SLC30A7: variants seen among roughly 807,000 people sequenced by gnomAD.
SLC30A7 encodes solute carrier family 30 member 7.
SLC30A7 carries 35 observed loss-of-function variants against 46.0 expected under a neutral mutation model. The ratio of observed to expected loss-of-function variants is 0.76; its 90% CI spans 0.58 to 1.01. The LOEUF is 1.01. Ranked by LOEUF, SLC30A7 falls within the 50% of genes least tolerant of loss-of-function variation. The pLI, the probability that SLC30A7 is intolerant of heterozygous loss-of-function variation, is 0.00. For synonymous variants in SLC30A7, 147 were observed against 157.8 expected, an observed-to-expected ratio of 0.93 and a Z score of 0.51; for missense variants, 464 against 451.1, an observed-to-expected ratio of 1.03 and a Z score of -0.26.
At chr1:100,947,195 G>A (rs1654687552) in intron 8 of SLC30A7, among the ~76,000 whole-genome samples, 1 of 152,172 alleles carries the variant, frequency 6.6e-6, no homozygotes, top group East Asian at 1.9e-4. Flanking sequence ...TGAGCCTTTA[G>A]TGCTATAATT....
At chr1:100,961,428 A>G (rs1570586449) in intron 8 of SLC30A7, among the ~76,000 whole-genome samples, 1 of 152,270 alleles carries the variant, frequency 6.6e-6, no homozygotes, top group Middle Eastern at 3.4e-3. Flanking sequence ...TTTTTAAGTA[A>G]TGAAATATGA....
At chr1:100,939,637 C>T (rs555482811) in intron 8 of SLC30A7, among the ~76,000 whole-genome samples, 1 of 150,486 alleles carries the variant, frequency 6.6e-6, no homozygotes, top group East Asian at 2.0e-4. Flanking sequence ...GAGATCGAGA[C>T]CAACCTGGCT....
chr1:100,933,685 C>G lies in SLC30A7; in HGVS notation c.842+11844C>G, dbSNP rs529335811. On this transcript the variant is annotated intron_variant, in intron 8 of 10. Coordinates refer to ENST00000357650, the MANE Select transcript of SLC30A7 (RefSeq NM_133496.5). ...TGCGGTGTTTGGTTTTTTGTCCTTGCGATAGTTTGTTGAGAATGGTGGTTT... is the reference window on the plus strand; with the variant it reads ...TGCGGTGTTTGGTTTTTTGTCCTTGGGATAGTTTGTTGAGAATGGTGGTTT... Among the ~76,000 whole-genome samples the G allele has an allele frequency of 2.6e-5, 4 of 152,158 alleles. No homozygotes were observed. The East Asian group carries it at 5.8e-4, about 22-fold the overall frequency.
intron 8 of SLC30A7, among the ~76,000 whole-genome samples, chr1:100,924,729 GT>G (rs746598862): frequency 2.9e-3 from 428 of 146,402 alleles, no homozygotes; most frequent in African/African-American, 0.01. Context: ...AAATTTGTGG[GT>G]TTTTTTTTTC....
intron 8 of SLC30A7, among the ~76,000 whole-genome samples, chr1:100,932,748 A>T (rs535191914): frequency 9.2e-5 from 14 of 152,274 alleles, no homozygotes; most frequent in African/African-American, 3.1e-4. Flanking sequence ...TGAGAGAGAG[A>T]AACCTATACA....
rs530512740 is a variant in SLC30A7 at position 100,929,704 on chromosome 1, A to G, written c.842+7863A>G. 7.2e-5 allele frequency among the ~76,000 whole-genome samples: 11 copies of G among 152,164 alleles called. 1 individual carries two copies. In the South Asian group the frequency reaches 2.3e-3, roughly 32 times the overall value. On this transcript the variant is annotated intron_variant, in intron 8 of 10. Transcript: ENST00000357650. ...ACTTCCACAGTGAAAGTTATTTCTT[A>G]GAAAAAGACAGGTTTTTTTTTTTCA...
the SLC30A7 span, among the ~76,000 whole-genome samples, chr1:100,993,421 G>A: frequency 2.7e-5 from 4 of 150,856 alleles, no homozygotes; most frequent in Non-Finnish European, 5.9e-5. Flanking sequence ...GCTTGGTGGC[G>A]CACGCCTGTA....
intron 2 of SLC30A7, among the ~76,000 whole-genome samples, chr1:100,906,021 T>C (rs1343644275): frequency 1.3e-5 from 2 of 152,224 alleles, no homozygotes; most frequent in African/African-American, 2.4e-5. Flanking sequence ...CCTATTTTTC[T>C]GTTTGGCCGT....
At chr1:100,991,815 G>T in the SLC30A7 span, among the ~76,000 whole-genome samples, 2 of 135,220 alleles carry the variant, frequency 1.5e-5, no homozygotes, top group African/African-American at 5.8e-5. Flanking sequence ...TCTCACAGTG[G>T]GCCAGGCGTG....
chr1:100,909,563 C>G (rs575788979), intron 3 of SLC30A7, among the ~76,000 whole-genome samples: 2 of 152,106 alleles, frequency 1.3e-5, no homozygotes, highest in African/African-American at 4.8e-5. Context: ...AATTCTAAGA[C>G]CTACTCAATC....
chr1:100,980,788 T>C lies in SLC30A7; in HGVS notation c.*5931T>C, dbSNP rs1261108612. On this transcript the variant is annotated 3_prime_UTR_variant, in exon 11 of 11. Transcript: ENST00000357650. The stretch of plus-strand genomic sequence containing the variant: ...TTGACAGAATTGGGACTGTGGAACC[T>C]GGGTCACTTGAATTTTCTATATTTT... The C allele has an allele frequency of 6.6e-6, 1 of 152,188 alleles. No homozygotes were observed. Among genetic ancestry groups the C allele is most frequent in the East Asian group, 1.9e-4 (1 of 5,184 alleles). The allele number at this position is 152,188 out of a possible 1,614,324, so 9.4% of individuals were successfully genotyped here.
Position 100,912,129 on chromosome 1 carries a change from A to G in SLC30A7, c.402A>G (p.Pro134=), listed in dbSNP as rs777291114. 9.3e-6 allele frequency: 15 copies of G among 1,613,750 alleles called. No individual in the cohort carries two copies. The change falls in exon 5 of 11, where the codon CCA becomes CCG. Residue 134 remains proline (P), a synonymous_variant. Transcript: ENST00000357650. Reference sequence around the variant, plus strand: ...TTTTCTAGAGAGCATTAGCCCCTCCAGATGTCCACCATGAGAGACTGCTTC... The same window carrying G: ...TTTTCTAGAGAGCATTAGCCCCTCCGGATGTCCACCATGAGAGACTGCTTC... ...SEGVERALAP[P]DVHHERLLLV...
At position 100,974,863 on chromosome 1, in the gene SLC30A7, G is replaced by A. The variant is rs375040777; in HGVS notation, c.*6G>A. 11 of 1,595,890 alleles carry A rather than the reference G, an allele frequency of 6.9e-6. No individual in the cohort carries two copies. In the African/African-American group the frequency reaches 1.5e-4, roughly 21 times the overall value. On this transcript the variant is annotated 3_prime_UTR_variant, in exon 11 of 11. Transcript: ENST00000357650. ...TTGACTTTGCAGCCATGTAGTGAATGGAAAGAAATTATGCACCTTTTATGG... is the reference window on the plus strand; with the variant it reads ...TTGACTTTGCAGCCATGTAGTGAATAGAAAGAAATTATGCACCTTTTATGG...
intron 8 of SLC30A7, among the ~76,000 whole-genome samples, chr1:100,924,991 A>G (rs886970014): frequency 1.3e-5 from 2 of 152,282 alleles, no homozygotes; most frequent in Non-Finnish European, 2.9e-5. Flanking sequence ...GAGTGAGACA[A>G]TAAACAAATT....
Position 100,896,094 on chromosome 1 carries a change from G to A in SLC30A7, c.-169G>A. 1 of 643,362 alleles carries A rather than the reference G, an allele frequency of 1.6e-6. No homozygotes were observed. Among genetic ancestry groups the A allele is most frequent in the Non-Finnish European group, 2.8e-6 (1 of 359,662 alleles). The allele number at this position is 643,362 out of a possible 1,614,324, so 39.9% of individuals were successfully genotyped here. ...ACGCGTTGCGCGGCCCGGGCCGGAA[G>A]TAAGCGAATTCCCGGGTGTGTGTCT... On this transcript the variant is annotated 5_prime_UTR_variant, in exon 1 of 11. Transcript: ENST00000357650.
intron 10 of SLC30A7, among the ~76,000 whole-genome samples, chr1:100,970,317 A>AAT (rs1479322623): frequency 3.3e-5 from 5 of 152,170 alleles, no homozygotes; most frequent in Non-Finnish European, 5.9e-5. Context: ...TGAGAAGACC[A>AAT]ATATCTAAAA....
At chr1:100,995,329 A>G in the SLC30A7 span, 2 of 465,230 alleles carry the variant, frequency 4.3e-6, no homozygotes, top group Non-Finnish European at 7.9e-6. Context: ...GCCACTAGTT[A>G]GAAAACAAAC....
At chr1:100,963,437 C>T (rs1034309292) in intron 9 of SLC30A7, among the ~76,000 whole-genome samples, 1 of 152,050 alleles carries the variant, frequency 6.6e-6, no homozygotes, top group African/African-American at 2.4e-5. Flanking sequence ...CATTACTGAC[C>T]TTGTTAAGAG....
chr1:100,972,806 A>G (rs1055695488), intron 10 of SLC30A7: 1 of 152,106 alleles, frequency 6.6e-6, no homozygotes, highest in African/African-American at 2.4e-5. Context: ...AGTACCTGGT[A>G]TATAGCAAGG....
Sources: gnomAD v4.1 joint callset for allele counts (sites outside exome capture counted in the v4.1 genomes callset) on GRCh38, gnomAD v4.1.1 for gene constraint, MANE v1.5 for transcripts, NCBI Gene and HGNC (gene_info 2026-07-23, HGNC 2026-07-21) for gene names.